Variants in STIP1 observed in about 807,000 individuals in gnomAD.
STIP1 encodes stress induced phosphoprotein 1, also known as stress-induced-phosphoprotein 1.
Under a neutral mutation model 77.4 loss-of-function variants are expected in STIP1, and 16 were observed. The observed-to-expected ratio is 0.21, with a 90% CI of 0.14 to 0.31. The LOEUF is 0.31. Ranked by LOEUF, STIP1 falls within the 10% of genes least tolerant of loss-of-function variation. The pLI is 1.00. For synonymous variants in STIP1, 258 were observed against 246.6 expected (o/e 1.05, Z -0.44); for missense variants, 524 against 684.8 (o/e 0.77, Z 2.62).
At position 64,186,226 on chromosome 11, in the gene STIP1, G is replaced by T; in HGVS notation, c.-36G>T. 1 of 1,539,972 alleles carries T rather than the reference G, an allele frequency of 6.5e-7. No homozygotes were observed. Among genetic ancestry groups the T allele is most frequent in the African/African-American group, 1.4e-5 (1 of 72,768 alleles). On this transcript the variant is annotated 5_prime_UTR_variant, in exon 1 of 14. Transcript: ENST00000305218. ...TGCGGTTGGGAACGCGGAGCGGACGGATTCGATTCAACGGGGTTCCGGACC... is the reference window on the plus strand; with the variant it reads ...TGCGGTTGGGAACGCGGAGCGGACGTATTCGATTCAACGGGGTTCCGGACC...
In STIP1 at chr11:64,195,808, A is replaced by C. The variant is rs995432822; in HGVS notation, c.667A>C (p.Lys223Gln). 3.7e-6 allele frequency: 6 copies of C among 1,614,078 alleles called. No homozygotes were observed. Among genetic ancestry groups the C allele is most frequent in the Non-Finnish European group, 4.2e-6 (5 of 1,180,012 alleles). The stretch of plus-strand genomic sequence containing the variant: ...GGAAGAAGATCTTCCAGAGAATAAG[A>C]AGCAGGTCTTGTTTTTTTCTCTCCT... ...PMEEDLPENK[K>Q]QALKEKELGN... Residue 223 changes from lysine (K) to glutamine (Q), a missense_variant, in exon 5 of 14, where the codon AAG becomes CAG. Physicochemically the swap from Lys to Gln is moderately conservative, Grantham distance 53. Coordinates refer to ENST00000305218, the MANE Select transcript of STIP1 (RefSeq NM_006819.3).
chr11:64,201,036 T>A (rs71454601), intron 10 of STIP1, among the ~76,000 whole-genome samples: 10,392 of 129,776 alleles, frequency 0.08, 495 homozygotes, highest in African/African-American at 0.12. Flanking sequence ...CCCCTTTTTT[T>A]AAAAAAAAAA....
rs116149969 is a variant in STIP1, at chr11:64,193,793, A to G, written c.220-396A>G. On this transcript the variant is annotated intron_variant, in intron 2 of 13. Transcript: ENST00000305218. Reference sequence around the variant, plus strand: ...ACGGCAAGACCCTGTCTCAAAAAAAAAGGAAGAGGCCCGGTACAGTGGCTC... The same window carrying G: ...ACGGCAAGACCCTGTCTCAAAAAAAGAGGAAGAGGCCCGGTACAGTGGCTC... Among the ~76,000 whole-genome samples, 337 of 152,130 alleles carry G rather than the reference A, an allele frequency of 2.2e-3. 3 individuals are homozygous for G. Among genetic ancestry groups the G allele is most frequent in the African/African-American group, 7.9e-3 (328 of 41,510 alleles).
Position 64,191,537 on chromosome 11 carries a change from C to T in STIP1, c.10-1541C>T, listed in dbSNP as rs547050816. On this transcript the variant is annotated intron_variant, in intron 1 of 13. Coordinates refer to ENST00000305218, the MANE Select transcript of STIP1 (RefSeq NM_006819.3). The stretch of plus-strand genomic sequence containing the variant: ...AGGAGAATCGCTTGAACCTAGGAGG[C>T]GGAGGTTGCCGTGAGGCAAGATTGT... Among the ~76,000 whole-genome samples, 10 of 152,220 alleles carry T rather than the reference C, an allele frequency of 6.6e-5. No homozygotes were observed. The East Asian group carries it at 9.6e-4, about 15-fold the overall frequency.
At chr11:64,202,017 G>A (rs1432309569) in intron 10 of STIP1, among the ~76,000 whole-genome samples, 1 of 152,124 alleles carries the variant, frequency 6.6e-6, no homozygotes, top group Non-Finnish European at 1.5e-5. Context: ...AACTGTTTGC[G>A]AAAGGAAATT....
rs370753483 is a variant in STIP1 at position 64,204,182 on chromosome 11, G to A, written c.*56G>A. 5.7e-6 allele frequency: 9 copies of A among 1,580,858 alleles called. No homozygotes were observed. Among genetic ancestry groups the A allele is most frequent in the African/African-American group, 4.1e-5 (3 of 74,064 alleles). On this transcript the variant is annotated 3_prime_UTR_variant, in exon 14 of 14. Coordinates refer to ENST00000305218, the MANE Select transcript of STIP1 (RefSeq NM_006819.3). ...TCATGTGGAAAGAGGAGCTGGGACCGCGGCGAGCAGCACGGAGCGGAAGGG... is the reference window on the plus strand; with the variant it reads ...TCATGTGGAAAGAGGAGCTGGGACCACGGCGAGCAGCACGGAGCGGAAGGG...
chr11:64,185,673 G>C, upstream of STIP1: 1 of 1,104,380 alleles, frequency 9.1e-7, no homozygotes, highest in Non-Finnish European at 1.3e-6. Flanking sequence ...CGGCGACACA[G>C]CTACAGACCC....
intron 1 of STIP1, among the ~76,000 whole-genome samples, chr11:64,192,170 C>T (rs1946100244): frequency 6.6e-6 from 1 of 152,102 alleles, no homozygotes; most frequent in Non-Finnish European, 1.5e-5. Flanking sequence ...AAAAATTAGC[C>T]AAGTGTGGGG....
rs150988347 is a variant in STIP1 at position 64,189,364 on chromosome 11, A to G, written c.9+3094A>G. On this transcript the variant is annotated intron_variant, in intron 1 of 13. Transcript: ENST00000305218. ...TAACAGCGAGACTCCGTCTCAAAAAAAAAAAATAAATAAATAAGCGGACAT... is the reference window on the plus strand; with the variant it reads ...TAACAGCGAGACTCCGTCTCAAAAAGAAAAAATAAATAAATAAGCGGACAT... Among the ~76,000 whole-genome samples, 407 of 152,144 alleles carry G rather than the reference A, an allele frequency of 2.7e-3. 7 individuals are homozygous for G. In the East Asian group the frequency reaches 0.062, roughly 23 times the overall value.
At position 64,199,379 on chromosome 11, in the gene STIP1, G is replaced by A. The variant is rs188937840; in HGVS notation, c.1024-561G>A. Among the ~76,000 whole-genome samples the A allele has an allele frequency of 7.0e-3, 1,033 of 148,416 alleles. 13 individuals carry two copies. Among genetic ancestry groups the A allele is most frequent in the African/African-American group, 0.025 (991 of 40,378 alleles). The stretch of plus-strand genomic sequence containing the variant: ...AAATTAGCCTGGTATGGTGGTGGGC[G>A]CCTGCAGTCCCAGCTACTCGGGAGG... On this transcript the variant is annotated intron_variant, in intron 8 of 13. Coordinates refer to ENST00000305218, the MANE Select transcript of STIP1 (RefSeq NM_006819.3).
chr11:64,186,965 A>G (rs1459393988), intron 1 of STIP1, among the ~76,000 whole-genome samples: 2 of 152,118 alleles, frequency 1.3e-5, no homozygotes, highest in Non-Finnish European at 2.9e-5. Flanking sequence ...TTACAAATGT[A>G]TTGCGGCCCC....
chr11:64,197,345 C>G lies in STIP1; in HGVS notation c.747C>G (p.Asp249Glu), dbSNP rs1036992745. The change falls in exon 6 of 14, where the codon GAC (aspartate) becomes GAG (glutamate). Residue 249 changes from aspartate to glutamate, a missense_variant. Coordinates refer to ENST00000305218, the MANE Select transcript of STIP1 (RefSeq NM_006819.3). ...TTGACACAGCCTTGAAGCATTACGA[C>G]AAAGCCAAGGAGCTGGACCCCACTA... ...KDFDTALKHY[D>E]KAKELDPTNM... The G allele has an allele frequency of 3.7e-5, 59 of 1,613,874 alleles. No homozygotes were observed. The highest frequency in any genetic ancestry group is 4.7e-5 in the Non-Finnish European group (56 of 1,180,018).
At chr11:64,201,460 A>G (rs1207728810) in intron 10 of STIP1, among the ~76,000 whole-genome samples, 2 of 152,228 alleles carry the variant, frequency 1.3e-5, no homozygotes, top group African/African-American at 4.8e-5. Context: ...GTTAGGTCAA[A>G]TACAATTGTT....
intron 10 of STIP1, among the ~76,000 whole-genome samples, chr11:64,201,036 T>TCAAA (rs1565283378): frequency 7.7e-6 from 1 of 129,826 alleles, no homozygotes; most frequent in African/African-American, 3.0e-5. Context: ...CCCCTTTTTT[T>TCAAA]AAAAAAAAAA....
At chr11:64,198,975 G>A (rs1200548650) in intron 8 of STIP1, among the ~76,000 whole-genome samples, 2 of 151,060 alleles carry the variant, frequency 1.3e-5, no homozygotes, top group African/African-American at 2.4e-5. Flanking sequence ...TGAGGTGGGT[G>A]GATCACAAGG....
intron 2 of STIP1, among the ~76,000 whole-genome samples, 198 bp from the exon 3 acceptor site, chr11:64,193,991 G>A (rs1448485766): frequency 6.6e-6 from 1 of 152,228 alleles, no homozygotes; most frequent in Non-Finnish European, 1.5e-5. Context: ...AGGCGGGGCG[G>A]ATGTGCCTCT....
intron 5 of STIP1, among the ~76,000 whole-genome samples, chr11:64,196,400 A>G (rs867856654): frequency 6.6e-5 from 10 of 151,686 alleles, no homozygotes; most frequent in African/African-American, 2.4e-4. Context: ...CATCTCAAAA[A>G]AAAAAAAAAA....
At position 64,203,677 on chromosome 11, in the gene STIP1, A is replaced by T. The variant is rs918562952; in HGVS notation, c.1559+55A>T. 4.3e-6 allele frequency: 7 copies of T among 1,609,410 alleles called. No individual in the cohort carries two copies. In the African/African-American group the frequency reaches 9.4e-5, roughly 22 times the overall value. ...GGAAATGGAGAACAAAAGCAGGCAGATGAGTGCACGCGGCTGGGGGGTGGT... is the reference window on the plus strand; with the variant it reads ...GGAAATGGAGAACAAAAGCAGGCAGTTGAGTGCACGCGGCTGGGGGGTGGT... On this transcript the variant is annotated intron_variant, in intron 13 of 13. Transcript: ENST00000305218.
At chr11:64,193,487 G>A in intron 2 of STIP1, 200 bp downstream of exon 2, 1 of 591,370 alleles carries the variant, frequency 1.7e-6, no homozygotes, top group Non-Finnish European at 3.0e-6. Context: ...TTGGTACTAA[G>A]AAGGAAGAGG....
Sources: gnomAD v4.1 joint callset for allele counts (sites outside exome capture counted in the v4.1 genomes callset) on GRCh38, gnomAD v4.1.1 for gene constraint, MANE v1.5 for transcripts, NCBI Gene and HGNC (gene_info 2026-07-23, HGNC 2026-07-21) for gene names.